The following ZNF503 variants were observed in gnomAD, a reference collection of about 807,000 sequenced individuals.
ZNF503 encodes the protein zinc finger protein 503.
In ZNF503, 15 loss-of-function variants were observed where a neutral mutation model predicts 34.4. The observed-to-expected ratio is 0.44, with a 90% CI of 0.29 to 0.67. ZNF503 has a LOEUF of 0.67. Among genes scored for constraint, ZNF503 ranks in the 30% least tolerant of loss-of-function variants. The probability of loss-of-function intolerance (pLI) is 0.13; values close to 1 mark genes in which losing one functional copy is unlikely to be tolerated. For missense variants in ZNF503, 1,007 were observed against 926.8 expected, an observed-to-expected ratio of 1.09 and a Z score of -1.12; for synonymous variants, 580 against 456.8, an observed-to-expected ratio of 1.27 and a Z score of -3.44.
chr10:75,287,475 G>T, the ZNF503 span, among the ~76,000 whole-genome samples: 1 of 151,974 alleles, frequency 6.6e-6, no homozygotes, highest in Non-Finnish European at 1.5e-5. Flanking sequence ...TTTCCAGCCT[G>T]CCCTGGAGCC....
At chr10:75,282,711 A>C in the ZNF503 span, among the ~76,000 whole-genome samples, 4 of 152,204 alleles carry the variant, frequency 2.6e-5, no homozygotes, top group African/African-American at 9.6e-5. Context: ...CAAGATCTCA[A>C]GACCATGAAT....
At chr10:75,391,148 A>G in the ZNF503 span, among the ~76,000 whole-genome samples, 9 of 152,330 alleles carry the variant, frequency 5.9e-5, no homozygotes, top group East Asian at 1.9e-4. Context: ...ACTTCAGTCC[A>G]TAGCAGCCTT....
chr10:75,356,440 C>T, the ZNF503 span, among the ~76,000 whole-genome samples: 1 of 152,212 alleles, frequency 6.6e-6, no homozygotes, highest in East Asian at 1.9e-4. Flanking sequence ...TGGTCTCGAT[C>T]TCCTGACCTC....
the ZNF503 span, among the ~76,000 whole-genome samples, chr10:75,352,214 C>T: frequency 3.9e-5 from 6 of 152,318 alleles, no homozygotes; most frequent in South Asian, 1.2e-3. Context: ...GCTGTAGGGG[C>T]CAGGCTTTGT....
At chr10:75,340,745 T>A in the ZNF503 span, among the ~76,000 whole-genome samples, 1 of 152,172 alleles carries the variant, frequency 6.6e-6, no homozygotes, top group Non-Finnish European at 1.5e-5. Flanking sequence ...ATTACAGGCA[T>A]GCGCCACCAC....
chr10:75,362,538 T>C, the ZNF503 span, among the ~76,000 whole-genome samples: 3 of 152,142 alleles, frequency 2.0e-5, no homozygotes, highest in South Asian at 2.1e-4. Context: ...CAGGCAGCTC[T>C]TCTCAGATAA....
In ZNF503 at chr10:75,401,215, C is replaced by A. The variant is rs867676115; in HGVS notation, c.205G>T (p.Ala69Ser). 1.9e-6 allele frequency: 3 copies of A among 1,607,372 alleles called. No homozygotes were observed. The highest frequency in any genetic ancestry group is 2.6e-6 in the Non-Finnish European group (3 of 1,176,420). Residue 69 changes from alanine to serine, a missense_variant, in exon 1 of 2, where the codon GCC becomes TCC. Coordinates refer to ENST00000372524, the MANE Select transcript of ZNF503 (RefSeq NM_032772.6). ...AVPPSDPLRQ[A>S]NRLPIKVLKM... ...AGCACCTTGATTGGCAGGCGGTTGG[C>A]CTGGCGCAGGGGGTCAGAGGGGGGC...
At position 75,401,351 on chromosome 10, in the gene ZNF503, G is replaced by A. The variant is rs1007318667; in HGVS notation, c.69C>T (p.Gly23=). 590 of 1,531,380 alleles carry A rather than the reference G, an allele frequency of 3.9e-4. 3 individuals are homozygous for A. In the African/African-American group the frequency reaches 8.0e-3, roughly 21 times the overall value. The allele number at this position is 1,531,380 out of a possible 1,614,324, so 94.9% of individuals were successfully genotyped here. A position where few individuals can be genotyped will look rare whatever the true frequency, so the allele number is the denominator to read the frequency against. ...SKHSGGGGGG[G]GGGGADPAWT... Reference sequence around the variant, plus strand: ...AGGCAGGGTCTGCACCGCCGCCTCCGCCTCCGCCGCCGCCGCCGCCGCTGT... The same window carrying A: ...AGGCAGGGTCTGCACCGCCGCCTCCACCTCCGCCGCCGCCGCCGCCGCTGT... Residue 23 remains glycine, a synonymous_variant, in exon 1 of 2, where the codon GGC becomes GGT. Transcript: ENST00000372524.
At chr10:75,311,945 A>G in the ZNF503 span, among the ~76,000 whole-genome samples, 3 of 151,338 alleles carry the variant, frequency 2.0e-5, no homozygotes, top group African/African-American at 7.3e-5. Context: ...GGGTTTTGCC[A>G]TATTGGCCAG....
chr10:75,296,753 A>T, the ZNF503 span: 1 of 152,496 alleles, frequency 6.6e-6, no homozygotes, highest in Non-Finnish European at 1.5e-5. Flanking sequence ...ATATGAAAAC[A>T]TGGGGCAGGG....
At chr10:75,305,462 GA>G in the ZNF503 span, among the ~76,000 whole-genome samples, 35 of 152,110 alleles carry the variant, frequency 2.3e-4, no homozygotes, top group Middle Eastern at 3.4e-3. Flanking sequence ...CTAGATATTT[GA>G]GGATTAACTA....
chr10:75,294,759 A>AGAAT, the ZNF503 span, among the ~76,000 whole-genome samples: 4 of 78,318 alleles, frequency 5.1e-5, no homozygotes, highest in African/African-American at 1.3e-4. Flanking sequence ...GAGCCCGGAG[A>AGAAT]GAAAGAAGGG....
Position 75,401,584 on chromosome 10 carries a change from C to T in ZNF503, c.-165G>A. 1.2e-6 allele frequency: 1 copy of T among 801,688 alleles called. No individual in the cohort carries two copies. Among genetic ancestry groups the T allele is most frequent in the Non-Finnish European group, 2.0e-6 (1 of 511,366 alleles). The allele number at this position is 801,688 out of a possible 1,614,324, so 49.7% of individuals were successfully genotyped here. A position where few individuals can be genotyped will look rare whatever the true frequency, so the allele number is the denominator to read the frequency against. On this transcript the variant is annotated 5_prime_UTR_variant, in exon 1 of 2. Transcript: ENST00000372524. ...CCTTCTCGGCGCCTGGAGCCAGACGCGAGTAATCCTGGGTGGCCCGCAGCG... is the reference window on the plus strand; with the variant it reads ...CCTTCTCGGCGCCTGGAGCCAGACGTGAGTAATCCTGGGTGGCCCGCAGCG...
chr10:75,321,612 T>C, the ZNF503 span, among the ~76,000 whole-genome samples: 1 of 152,240 alleles, frequency 6.6e-6, no homozygotes, highest in African/African-American at 2.4e-5. Context: ...AAGTTGCTTT[T>C]GTTATGGATT....
the ZNF503 span, among the ~76,000 whole-genome samples, chr10:75,386,535 T>A: frequency 6.6e-6 from 1 of 152,210 alleles, no homozygotes; most frequent in East Asian, 1.9e-4. Flanking sequence ...CACTGCTTCC[T>A]GGAACTGTCC....
the ZNF503 span, among the ~76,000 whole-genome samples, chr10:75,381,805 C>CTTTTTT: frequency 2.5e-3 from 97 of 38,656 alleles, 16 homozygotes; most frequent in African/African-American, 4.9e-3. Flanking sequence ...GAACCTAATT[C>CTTTTTT]TTTTTTTTTT....
chr10:75,305,094 G>A, the ZNF503 span, among the ~76,000 whole-genome samples: 67 of 151,984 alleles, frequency 4.4e-4, no homozygotes, highest in Middle Eastern at 3.4e-3. Flanking sequence ...AATATTATCC[G>A]GTTGCTATCA....
At chr10:75,373,370 TG>T in the ZNF503 span, 1 of 152,254 alleles carries the variant, frequency 6.6e-6, no homozygotes, top group African/African-American at 2.4e-5. Context: ...CGCCCAATCC[TG>T]TCTTCTCAGT....
the ZNF503 span, among the ~76,000 whole-genome samples, chr10:75,348,702 C>T: frequency 1.5e-4 from 22 of 150,592 alleles, no homozygotes; most frequent in South Asian, 6.3e-4. Context: ...TTAGTAGAGA[C>T]GGGGTTTCAC....
Sources: gnomAD v4.1 joint callset for allele counts (sites outside exome capture counted in the v4.1 genomes callset) on GRCh38, gnomAD v4.1.1 for gene constraint, MANE v1.5 for transcripts, NCBI Gene and HGNC (gene_info 2026-07-23, HGNC 2026-07-21) for gene names.